The following SYT1 variants were observed in gnomAD, a reference collection of about 807,000 sequenced individuals.
The protein encoded by SYT1 is synaptotagmin-1.
A neutral mutation model predicts 44.8 loss-of-function variants in SYT1; 8 were observed. The ratio of observed to expected loss-of-function variants is 0.18; its 90% CI spans 0.10 to 0.32. The LOEUF is 0.32. SYT1 is among the 10% of genes least tolerant of loss of function. The probability of loss-of-function intolerance (pLI) is 1.00; values close to 1 mark genes in which losing one functional copy is unlikely to be tolerated. For synonymous variants in SYT1, 154 were observed against 188.8 expected, an observed-to-expected ratio of 0.82 and a Z score of 1.51; for missense variants, 286 against 509.3, an observed-to-expected ratio of 0.56 and a Z score of 4.22.
intron 9 of SYT1, among the ~76,000 whole-genome samples, chr12:79,412,588 C>T (rs1175201692): frequency 1.3e-5 from 2 of 152,156 alleles, no homozygotes; most frequent in East Asian, 3.9e-4. Context: ...CTCTCCTGTC[C>T]TGCTCATGTC....
At chr12:78,908,698 A>C (rs75925631) in intron 1 of SYT1, among the ~76,000 whole-genome samples, 4,174 of 152,058 alleles carry the variant, frequency 0.027, 130 homozygotes, top group African/African-American at 0.075. Context: ...ATTTCTATAA[A>C]TAAAATAGAC....
At chr12:79,139,935 G>A (rs1200022229) in intron 3 of SYT1, among the ~76,000 whole-genome samples, 1 of 152,186 alleles carries the variant, frequency 6.6e-6, no homozygotes, top group Non-Finnish European at 1.5e-5. Flanking sequence ...GGTGGGCTAT[G>A]GACTGCTGGG....
At chr12:79,133,891 T>C (rs1565821045) in intron 3 of SYT1, among the ~76,000 whole-genome samples, 2 of 152,130 alleles carry the variant, frequency 1.3e-5, no homozygotes, top group Non-Finnish European at 1.5e-5. Context: ...AGTGAACAGG[T>C]CAGAATTGAG....
Position 79,026,702 on chromosome 12 carries a change from T to TATATATATATATAAAA in SYT1, c.-83-20595_-83-20594insATATATATATATAAAA, listed in dbSNP as rs34140383. ...ATATATATATATATATATATATATATCACACTTTCATTGTCCATTCACTAT... is the reference window on the plus strand; with the variant it reads ...ATATATATATATATATATATATATATATATATATATATAAAACACACTTTCATTGTCCATTCACTAT... On this transcript the variant is annotated intron_variant, in intron 2 of 10. Transcript: ENST00000261205. Among the ~76,000 whole-genome samples the TATATATATATATAAAA allele has an allele frequency of 5.5e-3, 685 of 125,190 alleles. 9 individuals carry two copies. The highest frequency in any genetic ancestry group is 0.014 in the East Asian group (53 of 3,836). 82.1% of individuals were successfully genotyped at this position (125,190 alleles called of 152,430 possible). A position where few individuals can be genotyped will look rare whatever the true frequency, so the allele number is the denominator to read the frequency against.
chr12:79,152,439 G>T (rs1484653670), intron 3 of SYT1, among the ~76,000 whole-genome samples: 2 of 152,046 alleles, frequency 1.3e-5, no homozygotes, highest in Admixed American at 1.3e-4. Context: ...CTTTGTATAG[G>T]GCAGTTAGAA....
chr12:79,426,233 C>T (rs1351697298), intron 9 of SYT1, among the ~76,000 whole-genome samples: 1 of 152,092 alleles, frequency 6.6e-6, no homozygotes, highest in Non-Finnish European at 1.5e-5. Flanking sequence ...ATTTGGAAGG[C>T]AAATCATGAG....
At chr12:78,919,218 A>G (rs1390912203) in intron 1 of SYT1, among the ~76,000 whole-genome samples, 1 of 152,080 alleles carries the variant, frequency 6.6e-6, no homozygotes, top group Non-Finnish European at 1.5e-5. Flanking sequence ...TGACAGGTAT[A>G]AAAGTTTCTG....
At position 78,958,883 on chromosome 12, in the gene SYT1, T is replaced by A. The variant is rs187621899; in HGVS notation, c.-216-18916T>A. Reference sequence around the variant, plus strand: ...TATTTAGAGGGCTTACAAGTCTACTTTTTTTTTGATATGTGAAAAGATTTC... The same window carrying A: ...TATTTAGAGGGCTTACAAGTCTACTATTTTTTTGATATGTGAAAAGATTTC... On this transcript the variant is annotated intron_variant, in intron 1 of 10. Transcript: ENST00000261205. Among the ~76,000 whole-genome samples the A allele has an allele frequency of 4.1e-4, 62 of 151,912 alleles. No individual in the cohort carries two copies. The South Asian group carries it at 0.011, about 26-fold the overall frequency.
chr12:78,997,274 T>C (rs1870441748), intron 2 of SYT1, among the ~76,000 whole-genome samples: 1 of 152,176 alleles, frequency 6.6e-6, no homozygotes, highest in South Asian at 2.1e-4. Flanking sequence ...GTGTCAGCAG[T>C]TCTCACTTAG....
At chr12:78,923,709 C>G (rs201027379) in intron 1 of SYT1, among the ~76,000 whole-genome samples, 4,993 of 151,074 alleles carry the variant, frequency 0.033, 275 homozygotes, top group East Asian at 0.24. Context: ...CTCTCTCTCT[C>G]TGTGTGTGTG....
intron 3 of SYT1, among the ~76,000 whole-genome samples, chr12:79,148,145 A>T (rs1330519722): frequency 1.3e-5 from 2 of 152,180 alleles, no homozygotes; most frequent in Non-Finnish European, 2.9e-5. Flanking sequence ...AATCATAGGC[A>T]TTTCAAAAAA....
At chr12:79,363,929 T>C (rs996122233) in intron 9 of SYT1, among the ~76,000 whole-genome samples, 2 of 152,172 alleles carry the variant, frequency 1.3e-5, no homozygotes, top group African/African-American at 4.8e-5. Flanking sequence ...TACTTATGTC[T>C]GTGTTCTCAG....
rs375316176 is a variant in SYT1, at chr12:79,131,308, T to A, written c.-18+83946T>A. 5.5e-4 allele frequency among the ~76,000 whole-genome samples: 84 copies of A among 152,228 alleles called. 1 individual carries two copies. In the South Asian group the frequency reaches 0.017, roughly 30 times the overall value. ...TAGAGAGGGTGGTGGCCCTATAAGG[T>A]CTAACTCTAAATTCTTAAAACTTGT... On this transcript the variant is annotated intron_variant, in intron 3 of 10. Coordinates refer to ENST00000261205, the MANE Select transcript of SYT1 (RefSeq NM_005639.3).
At chr12:79,158,084 T>A (rs981449207) in intron 3 of SYT1, among the ~76,000 whole-genome samples, 4 of 152,140 alleles carry the variant, frequency 2.6e-5, no homozygotes, top group Non-Finnish European at 5.9e-5. Context: ...TCAAGCACAC[T>A]ACATTTATCA....
chr12:79,315,756 T>C (rs1881052959), intron 8 of SYT1, among the ~76,000 whole-genome samples: 1 of 152,176 alleles, frequency 6.6e-6, no homozygotes, highest in Admixed American at 6.5e-5. Context: ...GGTTCACTTT[T>C]TAGAGATGAG....
chr12:79,385,750 T>TTG (rs1555222437), intron 9 of SYT1, among the ~76,000 whole-genome samples: 34 of 137,994 alleles, frequency 2.5e-4, no homozygotes, highest in Admixed American at 1.7e-3. Flanking sequence ...TGTTGTTGTT[T>TTG]TTTAATTCAG....
chr12:79,322,537 T>G (rs181968296), intron 8 of SYT1, among the ~76,000 whole-genome samples: 3 of 152,190 alleles, frequency 2.0e-5, no homozygotes, highest in African/African-American at 7.2e-5. Flanking sequence ...GTGAATATTA[T>G]TAATATTGCC....
Position 79,450,774 on chromosome 12 carries a change from A to T in SYT1, c.*1650A>T, listed in dbSNP as rs1871013228. 6.5e-6 allele frequency: 1 copy of T among 152,676 alleles called. No individual in the cohort carries two copies. 9.5% of individuals were successfully genotyped at this position (152,676 alleles called of 1,614,324 possible). On this transcript the variant is annotated 3_prime_UTR_variant, in exon 11 of 11. Transcript: ENST00000261205. Reference sequence around the variant, plus strand: ...TATGCATAGGACAAGGAAGATACATAGAATGGGGTGGAACACAGCATTTTG... The same window carrying T: ...TATGCATAGGACAAGGAAGATACATTGAATGGGGTGGAACACAGCATTTTG...
chr12:79,195,467 C>T (rs1201234012), intron 3 of SYT1, among the ~76,000 whole-genome samples: 1 of 149,364 alleles, frequency 6.7e-6, no homozygotes, highest in Non-Finnish European at 1.5e-5. Flanking sequence ...TCAGAGTTAT[C>T]CTTTGCACAA....
Sources: gnomAD v4.1 joint callset for allele counts (sites outside exome capture counted in the v4.1 genomes callset) on GRCh38, gnomAD v4.1.1 for gene constraint, MANE v1.5 for transcripts, NCBI Gene and HGNC (gene_info 2026-07-23, HGNC 2026-07-21) for gene names.